Variants in ZNF407 observed in about 807,000 individuals in gnomAD.
ZNF407 encodes zinc finger protein 407.
In ZNF407, 17 loss-of-function variants were observed where a neutral mutation model predicts 131.2. That is an observed-to-expected ratio of 0.13 (90% CI 0.09 to 0.19). ZNF407 has a LOEUF of 0.19. Ranked by LOEUF, ZNF407 falls within the 10% of genes least tolerant of loss-of-function variation. The pLI is 1.00. For synonymous variants in ZNF407, 1,156 were observed against 1,062.0 expected (o/e 1.09, Z -1.72); for missense variants, 2,681 against 2,830.6 (o/e 0.95, Z 1.20).
At chr18:74,693,279 C>T (rs763953254) in intron 3 of ZNF407, among the ~76,000 whole-genome samples, 20 of 152,084 alleles carry the variant, frequency 1.3e-4, no homozygotes, top group Non-Finnish European at 2.5e-4. Flanking sequence ...GCAGATTATC[C>T]GACTCTTTCT....
intron 8 of ZNF407, among the ~76,000 whole-genome samples, chr18:74,951,942 C>T (rs961022784): frequency 1.3e-5 from 2 of 151,212 alleles, no homozygotes; most frequent in African/African-American, 4.9e-5. Context: ...CTTCATAGAG[C>T]AGATGAAAAC....
chr18:74,740,746 C>T (rs547335), intron 3 of ZNF407, among the ~76,000 whole-genome samples: 138,540 of 152,164 alleles, frequency 0.91, 63,118 homozygotes, highest in African/African-American at 0.94. Context: ...CTGCCTCCTC[C>T]CCTGGTTCCT....
intron 4 of ZNF407, among the ~76,000 whole-genome samples, chr18:74,812,189 C>T (rs950723949): frequency 1.3e-5 from 2 of 152,064 alleles, no homozygotes; most frequent in Admixed American, 6.6e-5. Flanking sequence ...TTTGTGTCTT[C>T]GCTTTTCCAC....
chr18:74,974,875 A>G (rs1283292371), intron 8 of ZNF407, among the ~76,000 whole-genome samples: 1 of 152,204 alleles, frequency 6.6e-6, no homozygotes, highest in Non-Finnish European at 1.5e-5. Context: ...TCTTCCGCTC[A>G]TCTCCTTCTT....
intron 4 of ZNF407, among the ~76,000 whole-genome samples, chr18:74,854,364 C>T (rs900919488): frequency 2.0e-5 from 3 of 152,154 alleles, no homozygotes; most frequent in East Asian, 1.9e-4. Flanking sequence ...TTCTAATCAG[C>T]ATAGTATGAG....
At chr18:75,033,130 T>C (rs1249584535) in intron 8 of ZNF407, among the ~76,000 whole-genome samples, 1 of 104,150 alleles carries the variant, frequency 9.6e-6, no homozygotes, top group African/African-American at 3.9e-5. Flanking sequence ...GTGCTCAGAA[T>C]AGGGGGAAGA....
chr18:74,780,416 A>G (rs1969575710), intron 3 of ZNF407, among the ~76,000 whole-genome samples: 1 of 152,208 alleles, frequency 6.6e-6, no homozygotes, highest in African/African-American at 2.4e-5. Context: ...AGATGAATTC[A>G]GTGTTTAATG....
intron 4 of ZNF407, among the ~76,000 whole-genome samples, chr18:74,857,344 AT>A (rs1305451696): frequency 2.0e-5 from 3 of 152,198 alleles, no homozygotes; most frequent in African/African-American, 7.2e-5. Context: ...GTTTTTGAGA[AT>A]TATTTCATAT....
intron 8 of ZNF407, among the ~76,000 whole-genome samples, chr18:74,981,102 G>A (rs540247632): frequency 1.8e-4 from 28 of 152,310 alleles, no homozygotes; most frequent in South Asian, 1.2e-3. Flanking sequence ...TACTAATGCC[G>A]GGAAGCATCA....
intron 3 of ZNF407, among the ~76,000 whole-genome samples, chr18:74,710,454 G>C (rs968473161): frequency 1.3e-5 from 2 of 152,104 alleles, no homozygotes. Context: ...TAAAATACGC[G>C]AGCAGTGTAG....
intron 1 of ZNF407, among the ~76,000 whole-genome samples, chr18:74,621,863 C>T (rs1407032538): frequency 6.6e-6 from 1 of 152,140 alleles, no homozygotes; most frequent in Non-Finnish European, 1.5e-5. Context: ...TGCAAGGTAG[C>T]CTGGTCTCAG....
At chr18:74,682,593 G>C (rs1296996861) in intron 3 of ZNF407, among the ~76,000 whole-genome samples, 1 of 152,004 alleles carries the variant, frequency 6.6e-6, no homozygotes, top group Non-Finnish European at 1.5e-5. Flanking sequence ...TTTTTGTTTT[G>C]GTCACAGCTT....
intron 8 of ZNF407, among the ~76,000 whole-genome samples, chr18:75,047,057 T>C (rs1973443659): frequency 6.6e-6 from 1 of 152,154 alleles, no homozygotes. Context: ...TTCTGATTTG[T>C]TTATTTATAT....
At chr18:74,680,453 T>C (rs572704652) in intron 3 of ZNF407, among the ~76,000 whole-genome samples, 1 of 149,812 alleles carries the variant, frequency 6.7e-6, no homozygotes, top group Non-Finnish European at 1.5e-5. Flanking sequence ...GGGAAAAAAA[T>C]TGAAGGTGTT....
chr18:75,022,068 A>G (rs1196283260), intron 8 of ZNF407, among the ~76,000 whole-genome samples: 1 of 152,144 alleles, frequency 6.6e-6, no homozygotes, highest in Admixed American at 6.5e-5. Flanking sequence ...GAAATTTTAT[A>G]AACAAATGTC....
In ZNF407 at chr18:75,029,134, AT is replaced by A. The variant is rs1973206848; in HGVS notation, c.5429-34014del. ...GGGTTTCTTTTAGTTTGACCTGAAA[AT>A]TCATTGCCAAAATTTTATGCTTTCC... On this transcript the variant is annotated intron_variant, in intron 8 of 8. Transcript: ENST00000299687. 3.3e-5 allele frequency among the ~76,000 whole-genome samples: 5 copies of A among 152,296 alleles called. No individual in the cohort carries two copies. In the South Asian group the frequency reaches 1.0e-3, roughly 32 times the overall value.
intron 4 of ZNF407, among the ~76,000 whole-genome samples, chr18:74,823,582 C>T (rs1035935729): frequency 1.3e-5 from 2 of 152,104 alleles, no homozygotes; most frequent in Non-Finnish European, 2.9e-5. Context: ...ATAAAACAGA[C>T]TTCAAACCAA....
At chr18:75,016,515 A>ACTGCC (rs1973046113) in intron 8 of ZNF407, among the ~76,000 whole-genome samples, 2 of 151,914 alleles carry the variant, frequency 1.3e-5, no homozygotes, top group Non-Finnish European at 2.9e-5. Context: ...ATTGAACTGC[A>ACTGCC]CTGCACTGCT....
chr18:74,965,237 G>C (rs1972396751), intron 8 of ZNF407, among the ~76,000 whole-genome samples: 1 of 152,038 alleles, frequency 6.6e-6, no homozygotes, highest in South Asian at 2.1e-4. Context: ...CTACCAAATG[G>C]TAGGTCTTAT....
Sources: allele counts gnomAD v4.1 joint callset (sites outside exome capture counted in the v4.1 genomes callset), GRCh38; gene constraint gnomAD v4.1.1; transcripts MANE v1.5; gene names NCBI Gene and HGNC (gene_info 2026-07-23, HGNC 2026-07-21).